The following ADAP1 variants were observed in gnomAD, a reference collection of about 807,000 sequenced individuals.
ADAP1 encodes ArfGAP with dual PH domains 1, also known as arf-GAP with dual PH domain-containing protein 1.
A neutral mutation model predicts 54.9 loss-of-function variants in ADAP1; 31 were observed. That is an observed-to-expected ratio of 0.56 (90% CI 0.42 to 0.76). The LOEUF (loss-of-function observed/expected upper bound fraction) is 0.76, where lower values mean the gene tolerates loss of function less well. Among genes scored for constraint, ADAP1 ranks in the 30% least tolerant of loss-of-function variants. The pLI is 0.00. For missense variants in ADAP1, 535 were observed against 512.4 expected (o/e 1.04, Z -0.42); for synonymous variants, 313 against 202.6 (o/e 1.55, Z -4.63).
intron 1 of ADAP1, among the ~76,000 whole-genome samples, chr7:943,177 T>G (rs377591475): frequency 0.051 from 1,091 of 21,322 alleles, no homozygotes; most frequent in East Asian, 0.17. Context: ...GGAGAGAGGA[T>G]GAGGAAGGGA....
At chr7:904,090 T>C in intron 6 of ADAP1, 36 bp downstream of exon 6, 1 of 1,607,344 alleles carries the variant, frequency 6.2e-7, no homozygotes, top group Non-Finnish European at 8.5e-7. Flanking sequence ...CCCACCCTCC[T>C]GTGCCACCCG....
At chr7:925,397 G>A (rs563125861) in intron 3 of ADAP1, among the ~76,000 whole-genome samples, 1 of 148,130 alleles carries the variant, frequency 6.8e-6, no homozygotes, top group African/African-American at 2.5e-5. Flanking sequence ...CCAGGATGGT[G>A]TGTAGGGTTG....
chr7:898,801 G>T lies in ADAP1; in HGVS notation c.*120C>A. The T allele has an allele frequency of 7.1e-7, 1 of 1,405,060 alleles. No individual in the cohort carries two copies. The highest frequency in any genetic ancestry group is 9.7e-7 in the Non-Finnish European group (1 of 1,028,282). 87.0% of individuals were successfully genotyped at this position (1,405,060 alleles called of 1,614,324 possible). ...AGCTCGGGCCCTACCTGGCCGCGCC[G>T]GGCTGCCCTGAGGAGCAGGTGGGGC... On this transcript the variant is annotated 3_prime_UTR_variant, in exon 11 of 11. Transcript: ENST00000265846.
At chr7:951,341 C>G (rs928237510) in intron 1 of ADAP1, among the ~76,000 whole-genome samples, 3 of 151,380 alleles carry the variant, frequency 2.0e-5, no homozygotes, top group Admixed American at 6.6e-5. Flanking sequence ...CCACTGCAGT[C>G]CAGCCTGGGC....
At chr7:927,113 G>C (rs183888494) in intron 2 of ADAP1, 1 of 1,304,130 alleles carries the variant, frequency 7.7e-7, no homozygotes, top group Non-Finnish European at 1.0e-6. Flanking sequence ...GCTGGTGAGC[G>C]AGAGACCCAG....
In ADAP1 at chr7:951,838, G is replaced by T. The variant is rs371859103; in HGVS notation, c.82+2558C>A. The stretch of plus-strand genomic sequence containing the variant: ...GTGTTTTTCTTTTTTTTGAGACAGG[G>T]TCTCACTCTGGCCTAGGCTGGAGTG... On this transcript the variant is annotated intron_variant, in intron 1 of 10. Coordinates refer to ENST00000265846, the MANE Select transcript of ADAP1 (RefSeq NM_006869.4). Among the ~76,000 whole-genome samples, 739 of 152,274 alleles carry T rather than the reference G, an allele frequency of 4.9e-3. 3 individuals carry two copies. Among genetic ancestry groups the T allele is most frequent in the African/African-American group, 0.017 (697 of 41,544 alleles).
chr7:901,325 C>CCCTGG (rs1562906667), intron 6 of ADAP1: 60 of 253,774 alleles, frequency 2.4e-4, no homozygotes, highest in South Asian at 1.9e-3. Context: ...TTATAACCTG[C>CCCTGG]GCCCTGGGCC....
chr7:906,598 AGGG>A (rs1845381087), intron 4 of ADAP1, among the ~76,000 whole-genome samples: 1 of 20,646 alleles, frequency 4.8e-5, no homozygotes, highest in Non-Finnish European at 8.6e-5. Context: ...AGAAAGGAGA[AGGG>A]AGAAAGGGAG....
intron 3 of ADAP1, among the ~76,000 whole-genome samples, chr7:922,243 C>T (rs1461339979): frequency 1.3e-5 from 2 of 152,296 alleles, no homozygotes; most frequent in Admixed American, 1.3e-4. Flanking sequence ...CACCTCAGCC[C>T]ACGCCCCAGG....
intron 2 of ADAP1, among the ~76,000 whole-genome samples, chr7:930,250 C>T (rs563003716): frequency 5.8e-4 from 87 of 151,092 alleles, no homozygotes; most frequent in Middle Eastern, 3.4e-3. Context: ...TGAGCAAATT[C>T]GAAAGACAAC....
rs73254050 is a variant in ADAP1 at position 922,041 on chromosome 7, G to A, written c.306-1991C>T. ...GCCTGGGAGTGAGCACCAGGAAGTC[G>A]GGGGCTGGACCCCATCCTGCCCAGC... On this transcript the variant is annotated intron_variant, in intron 3 of 10. Coordinates refer to ENST00000265846, the MANE Select transcript of ADAP1 (RefSeq NM_006869.4). Among the ~76,000 whole-genome samples, 1,273 of 152,254 alleles carry A rather than the reference G, an allele frequency of 8.4e-3. 24 individuals are homozygous for A. Among genetic ancestry groups the A allele is most frequent in the African/African-American group, 0.029 (1,189 of 41,540 alleles).
intron 8 of ADAP1, among the ~76,000 whole-genome samples, chr7:899,874 G>A (rs1159898518): frequency 6.6e-6 from 1 of 152,204 alleles, no homozygotes; most frequent in East Asian, 1.9e-4. Context: ...ACGGTCCCGT[G>A]GGTGAGGAAG....
At position 919,884 on chromosome 7, in the gene ADAP1, G is replaced by A. The variant is rs1372494135; in HGVS notation, c.388+84C>T. On this transcript the variant is annotated intron_variant, in intron 4 of 10. Transcript: ENST00000265846. The stretch of plus-strand genomic sequence containing the variant: ...TGGGGGAGGGAGGGAAAGAGATGGG[G>A]GAGGGAGGGAAAGAGATGGGGGAGG... The A allele has an allele frequency of 1.8e-5, 15 of 819,218 alleles. No homozygotes were observed. In the Admixed American group the frequency reaches 2.9e-4, roughly 16 times the overall value. The allele number at this position is 819,218 out of a possible 1,614,324, so 50.7% of individuals were successfully genotyped here.
intron 1 of ADAP1, among the ~76,000 whole-genome samples, chr7:951,918 C>G (rs186319515): frequency 2.0e-3 from 299 of 152,318 alleles, no homozygotes; most frequent in African/African-American, 7.1e-3. Context: ...CCTCCGGCCT[C>G]GGCCTCCCAA....
upstream of ADAP1, chr7:954,843 C>G (rs1440065155): frequency 5.1e-6 from 3 of 592,698 alleles, no homozygotes; most frequent in Non-Finnish European, 6.4e-6. Flanking sequence ...GCCCGCCCCC[C>G]ATCCGCGCGC....
At chr7:919,738 C>CGGGGAGAGGGAGGGAGATGGGGGGGAAGA (rs2128104505) in intron 4 of ADAP1, among the ~76,000 whole-genome samples, 1 of 25,862 alleles carries the variant, frequency 3.9e-5, no homozygotes, top group Admixed American at 3.7e-4. Flanking sequence ...GTGGGAGAGA[C>CGGGGAGAGGGAGGGAGATGGGGGGGAAGA]GGGGAGAGGG....
chr7:923,441 C>G (rs1485224373), intron 3 of ADAP1: 1 of 151,878 alleles, frequency 6.6e-6, no homozygotes, highest in Non-Finnish European at 1.5e-5. Flanking sequence ...TAAAACCAAG[C>G]AGAGCGGCCG....
chr7:907,767 A>T (rs1845534136), intron 4 of ADAP1, among the ~76,000 whole-genome samples: 1 of 152,064 alleles, frequency 6.6e-6, no homozygotes, highest in African/African-American at 2.4e-5. Context: ...GGTCGCGTGC[A>T]GGTCCCGCCG....
At chr7:929,394 G>A (rs1250885110) in intron 2 of ADAP1, among the ~76,000 whole-genome samples, 4 of 150,852 alleles carry the variant, frequency 2.7e-5, no homozygotes, top group Non-Finnish European at 2.9e-5. Context: ...AAAACACCAC[G>A]AATCGGCCGC....
Sources: gnomAD v4.1 joint callset for allele counts (sites outside exome capture counted in the v4.1 genomes callset) on GRCh38, gnomAD v4.1.1 for gene constraint, MANE v1.5 for transcripts, NCBI Gene and HGNC (gene_info 2026-07-23, HGNC 2026-07-21) for gene names.